VPS37A: variants seen among roughly 807,000 people sequenced by gnomAD.
The protein encoded by VPS37A is vacuolar protein sorting-associated protein 37A.
In VPS37A, 30 loss-of-function variants were observed where a neutral mutation model predicts 49.8. That is an observed-to-expected ratio of 0.60 (90% CI 0.45 to 0.82). The LOEUF is 0.82. Ranked by LOEUF, VPS37A falls within the 40% of genes least tolerant of loss-of-function variation. The pLI, the probability that VPS37A is intolerant of heterozygous loss-of-function variation, is 0.00. For missense variants in VPS37A, 593 were observed against 464.4 expected (o/e 1.28, Z -2.55); for synonymous variants, 195 against 160.6 (o/e 1.21, Z -1.62).
chr8:17,247,629 C>T (rs778708550), intron 1 of VPS37A: 4 of 704,696 alleles, frequency 5.7e-6, no homozygotes, highest in South Asian at 4.4e-5. Context: ...TAGCTGCTGA[C>T]TGTAATCTCT....
intron 1 of VPS37A, among the ~76,000 whole-genome samples, chr8:17,255,447 C>T (rs1208121657): frequency 2.0e-5 from 3 of 152,106 alleles, no homozygotes; most frequent in African/African-American, 2.4e-5. Flanking sequence ...TGACATTGCA[C>T]TCCAGCCTGG....
At chr8:17,280,602 T>G (rs1814966456) in intron 9 of VPS37A, among the ~76,000 whole-genome samples, 159 bp downstream of exon 9, 1 of 151,974 alleles carries the variant, frequency 6.6e-6, no homozygotes, top group East Asian at 1.9e-4. Flanking sequence ...CTCTCAGTGA[T>G]GAGGCATCAT....
chr8:17,305,786 A>T (rs1487358595), downstream of VPS37A: 18 of 1,613,172 alleles, frequency 1.1e-5, no homozygotes, highest in Non-Finnish European at 1.5e-5. Context: ...TTTGGCTGTT[A>T]CATAGGAAGT....
chr8:17,268,837 C>T lies in VPS37A; in HGVS notation c.316-19C>T, dbSNP rs769630467. 3 of 1,502,236 alleles carry T rather than the reference C, an allele frequency of 2.0e-6. No individual in the cohort carries two copies. Among genetic ancestry groups the T allele is most frequent in the Non-Finnish European group, 2.8e-6 (3 of 1,087,392 alleles). 93.1% of individuals were successfully genotyped at this position (1,502,236 alleles called of 1,614,324 possible). A position where few individuals can be genotyped will look rare whatever the true frequency, so the allele number is the denominator to read the frequency against. ...TTTTTCTGGAAGTGATTTTAAGCGT[C>T]ATGTATTGTTACTTTCAGTTTACAA... On this transcript the variant is annotated intron_variant, in intron 3 of 11. Coordinates refer to ENST00000324849, the MANE Select transcript of VPS37A (RefSeq NM_152415.3).
the VPS37A span, among the ~76,000 whole-genome samples, chr8:17,311,288 T>A: frequency 5.3e-5 from 8 of 152,224 alleles, no homozygotes; most frequent in African/African-American, 1.9e-4. Flanking sequence ...TAGCATTGAC[T>A]TGAAATGGTT....
chr8:17,318,993 T>C, the VPS37A span, among the ~76,000 whole-genome samples: 2 of 152,244 alleles, frequency 1.3e-5, no homozygotes, highest in African/African-American at 4.8e-5. Context: ...CCAAATGTTT[T>C]TAACAGCAGG....
intron 5 of VPS37A, 122 bp downstream of exon 5, chr8:17,275,080 C>CA (rs1491101338): frequency 1.1e-6 from 1 of 912,502 alleles, no homozygotes; most frequent in East Asian, 2.5e-5. Flanking sequence ...AAGATGAACT[C>CA]ACATTTTTCA....
chr8:17,286,449 A>T, intron 11 of VPS37A, 22 bp downstream of exon 11: 2 of 1,604,372 alleles, frequency 1.2e-6, no homozygotes, highest in East Asian at 4.5e-5. Flanking sequence ...TTCAAGTTTG[A>T]GTCTCAAGGT....
At chr8:17,248,904 C>T (rs973076149) in intron 1 of VPS37A, among the ~76,000 whole-genome samples, 15 of 152,184 alleles carry the variant, frequency 9.9e-5, no homozygotes, top group African/African-American at 3.4e-4. Flanking sequence ...GTCACTCTTA[C>T]TCCAAATCAT....
At chr8:17,259,302 T>C (rs1157995244) in intron 1 of VPS37A, among the ~76,000 whole-genome samples, 1 of 152,140 alleles carries the variant, frequency 6.6e-6, no homozygotes, top group Non-Finnish European at 1.5e-5. Context: ...GAAGACTTTT[T>C]AAAATTTACT....
chr8:17,272,619 T>C (rs1814098642), intron 4 of VPS37A, among the ~76,000 whole-genome samples: 1 of 152,206 alleles, frequency 6.6e-6, no homozygotes, highest in South Asian at 2.1e-4. Context: ...TCAGAATTAT[T>C]GATTTAAATT....
rs146479338 is a variant in VPS37A, at chr8:17,293,849, A to G, written c.*1-1138A>G. ...GCTTTGTCCCAGAGGGGCACCTGCAAAGTGCCAGCCAGAGCTCTCCTGTAT... is the reference window on the plus strand; with the variant it reads ...GCTTTGTCCCAGAGGGGCACCTGCAGAGTGCCAGCCAGAGCTCTCCTGTAT... On this transcript the variant is annotated intron_variant, in intron 11 of 11. Transcript: ENST00000324849. Among the ~76,000 whole-genome samples the G allele has an allele frequency of 3.4e-3, 514 of 152,250 alleles. 2 individuals carry two copies. The highest frequency in any genetic ancestry group is 0.012 in the African/African-American group (493 of 41,552).
chr8:17,309,329 A>G, the VPS37A span: 1 of 1,551,660 alleles, frequency 6.4e-7, no homozygotes, highest in South Asian at 1.1e-5. Flanking sequence ...ATTAATACCT[A>G]CACAAGAAAG....
chr8:17,290,037 G>A (rs1462285570), intron 11 of VPS37A, among the ~76,000 whole-genome samples: 1 of 152,186 alleles, frequency 6.6e-6, no homozygotes, highest in Non-Finnish European at 1.5e-5. Context: ...TGTGATTTTT[G>A]CACATTGATT....
At chr8:17,277,989 C>T (rs546527612) in intron 6 of VPS37A, among the ~76,000 whole-genome samples, 59 of 151,774 alleles carry the variant, frequency 3.9e-4, no homozygotes, top group Admixed American at 1.5e-3. Flanking sequence ...TACATCCATG[C>T]GTGTATATTA....
chr8:17,299,813 TGGAAG>T (rs1188021325), downstream of VPS37A: 1 of 1,594,370 alleles, frequency 6.3e-7, no homozygotes, highest in Admixed American at 1.7e-5. Context: ...CCCTTGTTTT[TGGAAG>T]TGTTGCTTAT....
In VPS37A at chr8:17,252,549, G is replaced by T. The variant is rs145351992; in HGVS notation, c.125+5180G>T. 7.2e-5 allele frequency among the ~76,000 whole-genome samples: 11 copies of T among 152,242 alleles called. No individual in the cohort carries two copies. In the East Asian group the frequency reaches 7.7e-4, roughly 11 times the overall value. On this transcript the variant is annotated intron_variant, in intron 1 of 11. Coordinates refer to ENST00000324849, the MANE Select transcript of VPS37A (RefSeq NM_152415.3). Reference sequence around the variant, plus strand: ...TTCACAGCAAAATTAAAAGGCAGAAGATTTCCCCTATGTCCCCTGTCGTCT... The same window carrying T: ...TTCACAGCAAAATTAAAAGGCAGAATATTTCCCCTATGTCCCCTGTCGTCT...
chr8:17,319,065 G>C, the VPS37A span, among the ~76,000 whole-genome samples: 1 of 152,192 alleles, frequency 6.6e-6, no homozygotes, highest in East Asian at 1.9e-4. Context: ...GTTTAACTTA[G>C]ATTTTAGTAT....
In VPS37A at chr8:17,247,051, C is replaced by T. The variant is rs1339603443; in HGVS notation, c.-194C>T. On this transcript the variant is annotated 5_prime_UTR_variant, in exon 1 of 12. Transcript: ENST00000324849. ...CGGGCCGCAAGTTTCCCTCTCCAGCCGCCCGCCGTTCGTAGCATGTCCCCC... is the reference window on the plus strand; with the variant it reads ...CGGGCCGCAAGTTTCCCTCTCCAGCTGCCCGCCGTTCGTAGCATGTCCCCC... The T allele has an allele frequency of 1.6e-5, 11 of 702,602 alleles. No individual in the cohort carries two copies. The highest frequency in any genetic ancestry group is 2.3e-5 in the Non-Finnish European group (10 of 431,932). 43.5% of individuals were successfully genotyped at this position (702,602 alleles called of 1,614,324 possible).
Sources: allele counts gnomAD v4.1 joint callset (sites outside exome capture counted in the v4.1 genomes callset), GRCh38; gene constraint gnomAD v4.1.1; transcripts MANE v1.5; gene names NCBI Gene and HGNC (gene_info 2026-07-23, HGNC 2026-07-21).